PCDHGA2: variants seen among roughly 807,000 people sequenced by gnomAD.
PCDHGA2 encodes protocadherin gamma-A2.
In PCDHGA2, 40 loss-of-function variants were observed where a neutral mutation model predicts 59.2. The observed-to-expected ratio is 0.68, with a 90% CI of 0.52 to 0.88. The LOEUF (loss-of-function observed/expected upper bound fraction) is 0.88. Among genes scored for constraint, PCDHGA2 ranks in the 40% least tolerant of loss-of-function variants. The pLI, the probability that PCDHGA2 is intolerant of heterozygous loss-of-function variation, is 0.00. For missense variants in PCDHGA2, 1,226 were observed against 1,204.0 expected (o/e 1.02, Z -0.27); for synonymous variants, 560 against 526.0 (o/e 1.06, Z -0.89).
intron 1 of PCDHGA2, chr5:141,355,859 C>T (rs1369885951): frequency 4.3e-6 from 7 of 1,612,322 alleles, no homozygotes; most frequent in Non-Finnish European, 5.9e-6. Flanking sequence ...GGAGGTGACC[C>T]GGTTCGCTCT....
intron 1 of PCDHGA2, chr5:141,370,354 C>T (rs745912783): frequency 1.4e-5 from 21 of 1,505,704 alleles, no homozygotes; most frequent in Non-Finnish European, 1.9e-5. Flanking sequence ...TTAAAGATCT[C>T]CTCTCCTCGG....
chr5:141,503,556 G>A (rs1021346255), intron 2 of PCDHGA2, among the ~76,000 whole-genome samples: 1 of 145,962 alleles, frequency 6.9e-6, no homozygotes, highest in East Asian at 2.0e-4. Context: ...CCGAGATCGC[G>A]CCACTGTACT....
At chr5:141,404,616 A>G (rs940307932) in intron 1 of PCDHGA2, 3 of 1,614,168 alleles carry the variant, frequency 1.9e-6, no homozygotes, top group Non-Finnish European at 2.5e-6. Flanking sequence ...GTTTTGGACC[A>G]GAATGACAAT....
intron 1 of PCDHGA2, among the ~76,000 whole-genome samples, chr5:141,455,460 A>G (rs1175234914): frequency 1.3e-5 from 2 of 152,186 alleles, no homozygotes; most frequent in Non-Finnish European, 2.9e-5. Flanking sequence ...GATACCAGCC[A>G]GGTATATATG....
rs1756938027 is a variant in PCDHGA2, at chr5:141,340,369, C to T, written c.1398C>T (p.Pro466=). 1.2e-6 allele frequency: 2 copies of T among 1,614,072 alleles called. No individual in the cohort carries two copies. Among genetic ancestry groups the T allele is most frequent in the African/African-American group, 2.7e-5 (2 of 74,926 alleles). ...SYSTYIPENN[P]RGASVFSVTA... is the part of the protein sequence containing the mutation. ...CCACCTACATTCCCGAAAACAACCC[C>T]AGAGGAGCCTCTGTCTTCTCAGTGA... The change falls in exon 1 of 4, where the codon CCC becomes CCT. Residue 466 remains proline (P), a synonymous_variant. Coordinates refer to ENST00000394576, the MANE Select transcript of PCDHGA2 (RefSeq NM_018915.4).
chr5:141,390,000 A>G, intron 1 of PCDHGA2: 2 of 1,613,856 alleles, frequency 1.2e-6, no homozygotes, highest in Non-Finnish European at 1.7e-6. Flanking sequence ...CGTGGCCATG[A>G]TTCTGGCCAT....
intron 1 of PCDHGA2, among the ~76,000 whole-genome samples, chr5:141,463,618 T>G (rs2099065558): frequency 6.6e-6 from 1 of 151,792 alleles, no homozygotes; most frequent in African/African-American, 2.4e-5. Context: ...CCGGCTAATT[T>G]TTTGTATTTT....
In PCDHGA2 at chr5:141,489,153, G is replaced by C; in HGVS notation, c.2425-5654G>C. Reference sequence around the variant, plus strand: ...TTTAAGAGGCTGGAAGGAGACATAAGAGACTTCAGCTGCTGCATTCCAAGC... The same window carrying C: ...TTTAAGAGGCTGGAAGGAGACATAACAGACTTCAGCTGCTGCATTCCAAGC... On this transcript the variant is annotated intron_variant, in intron 1 of 3. Coordinates refer to ENST00000394576, the MANE Select transcript of PCDHGA2 (RefSeq NM_018915.4). This position sits in a 1 kb window ranked among gnomAD's most constrained non-coding sequence, Gnocchi z 4.5. 1 of 935,832 alleles carries C rather than the reference G, an allele frequency of 1.1e-6. No individual in the cohort carries two copies. Among genetic ancestry groups the C allele is most frequent in the Non-Finnish European group, 1.6e-6 (1 of 627,178 alleles). The allele number at this position is 935,832 out of a possible 1,614,324, so 58.0% of individuals were successfully genotyped here.
chr5:141,356,122 G>T (rs1760114897), intron 1 of PCDHGA2: 2 of 1,613,886 alleles, frequency 1.2e-6, no homozygotes, highest in Non-Finnish European at 1.7e-6. Flanking sequence ...GGGGGGTCTA[G>T]ATTATGAGGA....
chr5:141,389,569 A>T, intron 1 of PCDHGA2: 2 of 1,613,182 alleles, frequency 1.2e-6, no homozygotes, highest in Non-Finnish European at 1.7e-6. Context: ...CGGGTGCTGT[A>T]CCCCGCGCTG....
chr5:141,374,610 G>C (rs773630975), intron 1 of PCDHGA2: 2 of 1,613,524 alleles, frequency 1.2e-6, no homozygotes, highest in Non-Finnish European at 1.7e-6. Context: ...AGTGGTAATA[G>C]TCACTTCTCA....
intron 1 of PCDHGA2, among the ~76,000 whole-genome samples, chr5:141,447,375 T>C (rs1431576261): frequency 6.6e-6 from 1 of 152,030 alleles, no homozygotes; most frequent in African/African-American, 2.4e-5. Context: ...CTGACCCTGG[T>C]GATCTGCCCA....
chr5:141,490,380 T>C lies in PCDHGA2; in HGVS notation c.2425-4427T>C, dbSNP rs1246254637. 1 of 1,614,204 alleles carries C rather than the reference T, an allele frequency of 6.2e-7. No individual in the cohort carries two copies. ...TTAATGTGCGAGACCGGGACTCAGGTAGAAATGGTGAAGTGAGCCTTGATA... is the reference window on the plus strand; with the variant it reads ...TTAATGTGCGAGACCGGGACTCAGGCAGAAATGGTGAAGTGAGCCTTGATA... On this transcript the variant is annotated intron_variant, in intron 1 of 3. Coordinates refer to ENST00000394576, the MANE Select transcript of PCDHGA2 (RefSeq NM_018915.4). This position sits in a 1 kb window ranked among gnomAD's most constrained non-coding sequence, Gnocchi z 5.4.
At chr5:141,384,441 G>A in intron 1 of PCDHGA2, 1 of 1,614,028 alleles carries the variant, frequency 6.2e-7, no homozygotes, top group African/African-American at 1.3e-5. Flanking sequence ...CTGGAGTCCT[G>A]TACGCGCTGC....
chr5:141,404,982 G>GGATTA (rs1244941764), intron 1 of PCDHGA2: 10 of 1,613,938 alleles, frequency 6.2e-6, no homozygotes, highest in Non-Finnish European at 8.5e-6. Context: ...GACCTGGGCA[G>GGATTA]TCTTCAGATC....
intron 1 of PCDHGA2, chr5:141,415,752 T>C: frequency 7.3e-7 from 1 of 1,372,622 alleles, no homozygotes; most frequent in Non-Finnish European, 9.4e-7. Flanking sequence ...TTTTTTTTTT[T>C]TTTTTTTTTT....
chr5:141,390,186 A>G (rs760464699), intron 1 of PCDHGA2: 1 of 1,614,048 alleles, frequency 6.2e-7, no homozygotes, highest in East Asian at 2.2e-5. Flanking sequence ...CCTAAAATGT[A>G]GTGAGCAGTT....
intron 1 of PCDHGA2, chr5:141,394,949 G>A (rs761514870): frequency 1.9e-6 from 3 of 1,613,906 alleles, no homozygotes; most frequent in Non-Finnish European, 1.7e-6. Flanking sequence ...CTGTGCTTCT[G>A]GGGCTCAGGC....
At position 141,494,934 on chromosome 5, in the gene PCDHGA2, T is replaced by C. The variant is rs2099757666; in HGVS notation, c.2483+69T>C. On this transcript the variant is annotated intron_variant, in intron 2 of 3. Transcript: ENST00000394576. ...TTCTCAGGGATGACGTGGGAGGAGA[T>C]GGGGGAGGGCCCAGCATTTGCTACA... 5.6e-6 allele frequency: 9 copies of C among 1,612,736 alleles called. No individual in the cohort carries two copies. The South Asian group carries it at 7.7e-5, about 14-fold the overall frequency.
Sources: gnomAD v4.1 joint callset for allele counts (sites outside exome capture counted in the v4.1 genomes callset) on GRCh38, gnomAD v4.1.1 for gene constraint, Gnocchi (gnomAD v3.1) non-coding constraint, MANE v1.5 for transcripts, NCBI Gene and HGNC (gene_info 2026-07-23, HGNC 2026-07-21) for gene names.